Variants in MYO10 observed in about 807,000 individuals in gnomAD.
MYO10 encodes unconventional myosin-X.
Under a neutral mutation model 257.3 loss-of-function variants are expected in MYO10, and 133 were observed. The ratio of observed to expected loss-of-function variants is 0.52; its 90% CI spans 0.45 to 0.60. MYO10 has a LOEUF of 0.60. MYO10 is among the 20% of genes least tolerant of loss of function. MYO10 has a pLI of 0.00. For synonymous variants in MYO10, 1,104 were observed against 1,028.6 expected (o/e 1.07, Z -1.40); for missense variants, 2,399 against 2,635.7 (o/e 0.91, Z 1.97).
At chr5:16,690,036 G>T in intron 27 of MYO10, 117 bp from the exon 28 acceptor site, 1 of 738,386 alleles carries the variant, frequency 1.4e-6, no homozygotes, top group Non-Finnish European at 2.4e-6. Flanking sequence ...CTGACGAAAC[G>T]GTACACAGTT....
In MYO10 at chr5:16,701,188, G is replaced by C. The variant is rs61732579; in HGVS notation, c.3207C>G (p.Gly1069=). The change falls in exon 25 of 41, where the codon GGC becomes GGG. Residue 1069 remains glycine, a synonymous_variant. Transcript: ENST00000513610. This position sits in a 1 kb window ranked among gnomAD's most constrained non-coding sequence, Gnocchi z 8.1. ...DSGSLHNSSS[G]ESTYCMPQNA... Reference sequence around the variant, plus strand: ...TCTGGGGCATGCAGTAGGTGGACTCGCCGCTGGAGGAGTTGTGTAGGCTCC... The same window carrying C: ...TCTGGGGCATGCAGTAGGTGGACTCCCCGCTGGAGGAGTTGTGTAGGCTCC... 3.7e-6 allele frequency: 6 copies of C among 1,608,628 alleles called. No homozygotes were observed. Among genetic ancestry groups the C allele is most frequent in the African/African-American group, 2.7e-5 (2 of 74,882 alleles).
At chr5:16,740,612 C>T (rs1369733907) in intron 19 of MYO10, among the ~76,000 whole-genome samples, 1 of 152,108 alleles carries the variant, frequency 6.6e-6, no homozygotes, top group African/African-American at 2.4e-5. Context: ...GCACCACCTT[C>T]CCGTACATAT....
intron 19 of MYO10, among the ~76,000 whole-genome samples, chr5:16,733,002 C>T (rs1322923128): frequency 5.9e-5 from 9 of 152,172 alleles, no homozygotes; most frequent in South Asian, 2.1e-4. Context: ...GGCATGGTAG[C>T]GGGTGCCTGT....
At chr5:16,781,431 G>C (rs534805367) in intron 6 of MYO10, among the ~76,000 whole-genome samples, 1 of 151,680 alleles carries the variant, frequency 6.6e-6, no homozygotes, top group Non-Finnish European at 1.5e-5. Context: ...ACAGGGTCTT[G>C]CTATGTTGCT....
chr5:16,759,464 C>A (rs894211987), intron 17 of MYO10, among the ~76,000 whole-genome samples: 1 of 152,186 alleles, frequency 6.6e-6, no homozygotes, highest in Non-Finnish European at 1.5e-5. Context: ...GTGCTTTGAG[C>A]TCTTTGGAGA....
chr5:16,743,544 G>A (rs1188188385), intron 19 of MYO10, among the ~76,000 whole-genome samples: 1 of 152,026 alleles, frequency 6.6e-6, no homozygotes, highest in Non-Finnish European at 1.5e-5. Context: ...TCGGGAGGCT[G>A]AGGCAGGAGA....
chr5:16,862,377 T>C (rs929453076), intron 2 of MYO10, among the ~76,000 whole-genome samples: 1 of 152,162 alleles, frequency 6.6e-6, no homozygotes, highest in African/African-American at 2.4e-5. Context: ...AAATGCATTT[T>C]TGAAACGGAA....
intron 3 of MYO10, among the ~76,000 whole-genome samples, chr5:16,810,375 C>T (rs1368220166): frequency 2.0e-5 from 3 of 152,146 alleles, no homozygotes. Context: ...GGTCTAAAAC[C>T]CTCAGCCCTC....
Position 16,668,275 on chromosome 5 carries a change from AC to A in MYO10, c.6075+1del. 1 of 1,606,984 alleles carries A rather than the reference AC, an allele frequency of 6.2e-7. No individual in the cohort carries two copies. Among genetic ancestry groups the A allele is most frequent in the Non-Finnish European group, 8.5e-7 (1 of 1,177,402 alleles). On this transcript the variant is annotated splice_donor_variant, in intron 40 of 40. Coordinates refer to ENST00000513610, the MANE Select transcript of MYO10 (RefSeq NM_012334.3). LOFTEE classifies it high-confidence loss of function. ...AAAAGATGAACTTGCTTTGCCTCTT[AC>A]CTCACTGGTTTCAAAGAGCAGCTCC...
rs1045720594 is a variant in MYO10 at position 16,822,219 on chromosome 5, G to A, written c.121-4052C>T. ...GATGGCGTGTGCGGCAAGCCACCAC[G>A]GCACACGTTTACCTACGTGACAAAC... is the stretch of plus-strand genomic sequence containing the variant. On this transcript the variant is annotated intron_variant, in intron 2 of 40. Coordinates refer to ENST00000513610, the MANE Select transcript of MYO10 (RefSeq NM_012334.3). 1.5e-3 allele frequency among the ~76,000 whole-genome samples: 232 copies of A among 152,010 alleles called. 1 individual carries two copies. The highest frequency in any genetic ancestry group is 5.4e-3 in the African/African-American group (224 of 41,462).
chr5:16,891,395 G>C (rs1745055957), intron 1 of MYO10, among the ~76,000 whole-genome samples: 1 of 150,280 alleles, frequency 6.7e-6, no homozygotes, highest in Non-Finnish European at 1.5e-5. Context: ...AGAGAGGAAG[G>C]AGGAAGGAGG....
chr5:16,719,912 C>T (rs1173309570), intron 19 of MYO10, among the ~76,000 whole-genome samples: 1 of 151,732 alleles, frequency 6.6e-6, no homozygotes, highest in Non-Finnish European at 1.5e-5. Flanking sequence ...TGTAGTGGGC[C>T]GAGATTGTAC....
chr5:16,792,800 A>G (rs1343056967), intron 4 of MYO10, among the ~76,000 whole-genome samples: 1 of 152,006 alleles, frequency 6.6e-6, no homozygotes, highest in African/African-American at 2.4e-5. Flanking sequence ...ATGGCTCTCC[A>G]TATGTCTCCT....
intron 2 of MYO10, among the ~76,000 whole-genome samples, chr5:16,821,415 T>C (rs950511077): frequency 6.9e-6 from 1 of 144,348 alleles, no homozygotes; most frequent in Admixed American, 6.9e-5. Context: ...CCCACCTTCA[T>C]ACATTTGACT....
At position 16,764,535 on chromosome 5, in the gene MYO10, T is replaced by C. The variant is rs2561231; in HGVS notation, c.1180-139A>G. On this transcript the variant is annotated intron_variant, in intron 11 of 40. Coordinates refer to ENST00000513610, the MANE Select transcript of MYO10 (RefSeq NM_012334.3). The stretch of plus-strand genomic sequence containing the variant: ...CAGTGTGAAGTCAATCGATCTCATC[T>C]AGGAAAGGACAGATATCTAAAGAAA... The C allele has an allele frequency of 0.33, 269,025 of 806,642 alleles. 46,849 individuals carry two copies. Among genetic ancestry groups the C allele is most frequent in the South Asian group, 0.35 (18,909 of 53,340 alleles). The allele number at this position is 806,642 out of a possible 1,614,324, so 50.0% of individuals were successfully genotyped here.
chr5:16,742,296 C>T, intron 19 of MYO10: 1 of 966,786 alleles, frequency 1.0e-6, no homozygotes, highest in African/African-American at 1.8e-5. Context: ...GTTTCCATGA[C>T]AACTTGGTAA....
chr5:16,911,356 C>T (rs1290738227), intron 1 of MYO10, among the ~76,000 whole-genome samples: 1 of 152,160 alleles, frequency 6.6e-6, no homozygotes, highest in African/African-American at 2.4e-5. Context: ...ACTTCTTCAC[C>T]ATCTAAAACA....
At chr5:16,897,763 T>G (rs940220974) in intron 1 of MYO10, among the ~76,000 whole-genome samples, 3 of 152,176 alleles carry the variant, frequency 2.0e-5, no homozygotes, top group African/African-American at 7.2e-5. Context: ...TCTAGCGTGA[T>G]TGTAGGGGGG....
intron 26 of MYO10, among the ~76,000 whole-genome samples, chr5:16,698,467 T>C (rs1737864150): frequency 6.6e-6 from 1 of 152,116 alleles, no homozygotes; most frequent in Non-Finnish European, 1.5e-5. Context: ...ACTCAAATGT[T>C]AGTAACAATC....
Sources: allele counts gnomAD v4.1 joint callset (sites outside exome capture counted in the v4.1 genomes callset), GRCh38; gene constraint gnomAD v4.1.1; non-coding constraint Gnocchi (gnomAD v3.1); transcripts MANE v1.5; gene names NCBI Gene and HGNC (gene_info 2026-07-23, HGNC 2026-07-21).